THSD7A: variants seen among roughly 807,000 people sequenced by gnomAD.
THSD7A encodes the protein thrombospondin type-1 domain-containing protein 7A.
Under a neutral mutation model 231.3 loss-of-function variants are expected in THSD7A, and 96 were observed. The observed-to-expected ratio is 0.41, with a 90% CI of 0.35 to 0.49. The LOEUF (loss-of-function observed/expected upper bound fraction) is 0.49, where lower values mean the gene tolerates loss of function less well. Ranked by LOEUF, THSD7A falls within the 20% of genes least tolerant of loss-of-function variation. The pLI is 0.05. For synonymous variants in THSD7A, 940 were observed against 743.3 expected (o/e 1.26, Z -4.30); for missense variants, 2,290 against 2,070.2 (o/e 1.11, Z -2.06).
At chr7:11,603,082 G>A (rs950879855) in intron 2 of THSD7A, among the ~76,000 whole-genome samples, 4 of 150,660 alleles carry the variant, frequency 2.7e-5, no homozygotes, top group Non-Finnish European at 5.9e-5. Flanking sequence ...CCATCAGAGT[G>A]AACAGGCAAC....
At chr7:11,749,514 GT>G (rs1425207278) in intron 1 of THSD7A, among the ~76,000 whole-genome samples, 1 of 151,976 alleles carries the variant, frequency 6.6e-6, no homozygotes, top group Non-Finnish European at 1.5e-5. Context: ...AAATGTGTAT[GT>G]TTGACTCAGA....
In THSD7A at chr7:11,636,924, G is replaced by C; in HGVS notation, c.228C>G (p.Pro76=). The C allele has an allele frequency of 6.2e-7, 1 of 1,612,290 alleles. No homozygotes were observed. The highest frequency in any genetic ancestry group is 8.5e-7 in the Non-Finnish European group (1 of 1,179,660). ...WGRCMGDECG[P]GGIQTRAVWC... is the part of the protein sequence containing the mutation. ...ACACAGCCCTCGTTTGGATGCCTCC[G>C]GGACCACATTCATCTCCCATACATC... The change falls in exon 2 of 28, where the codon CCC becomes CCG. Residue 76 remains proline, a synonymous_variant. Coordinates refer to ENST00000423059, the MANE Select transcript of THSD7A (RefSeq NM_015204.3). The surrounding 1 kb of genome is among the most constrained non-coding windows in gnomAD (Gnocchi z 10.0).
chr7:11,605,041 C>T (rs1333556907), intron 2 of THSD7A, among the ~76,000 whole-genome samples: 1 of 151,940 alleles, frequency 6.6e-6, no homozygotes, highest in East Asian at 1.9e-4. Flanking sequence ...TCATTTCTTT[C>T]ATTTTGAAAA....
chr7:11,559,843 G>C (rs2128329155), intron 4 of THSD7A, among the ~76,000 whole-genome samples: 1 of 152,284 alleles, frequency 6.6e-6, no homozygotes, highest in Non-Finnish European at 1.5e-5. Flanking sequence ...GACACTGCTG[G>C]TGGGAATTTA....
At position 11,590,400 on chromosome 7, in the gene THSD7A, A is replaced by G; in HGVS notation, c.1453+60T>C. On this transcript the variant is annotated intron_variant, in intron 4 of 27. Transcript: ENST00000423059. This position sits in a 1 kb window ranked among gnomAD's most constrained non-coding sequence, Gnocchi z 4.4. ...GATGGCTGTGTATATATCCCTTCAG[A>G]GCAATCACATGCTCAGTCAGTCTTC... 1 of 1,547,200 alleles carries G rather than the reference A, an allele frequency of 6.5e-7. No individual in the cohort carries two copies. The highest frequency in any genetic ancestry group is 8.7e-7 in the Non-Finnish European group (1 of 1,143,388).
At chr7:11,640,880 G>C (rs374691947) in intron 1 of THSD7A, among the ~76,000 whole-genome samples, 1 of 151,908 alleles carries the variant, frequency 6.6e-6, no homozygotes. Flanking sequence ...AAATAAAAAT[G>C]CACTCCCTAA....
chr7:11,679,266 G>C (rs181545111), intron 1 of THSD7A, among the ~76,000 whole-genome samples: 1 of 152,252 alleles, frequency 6.6e-6, no homozygotes, highest in African/African-American at 2.4e-5. Context: ...AAAGCTAGAA[G>C]CATTCCCTTT....
In THSD7A at chr7:11,593,421, C is replaced by G. The variant is rs1312058081; in HGVS notation, c.1104G>C (p.Glu368Asp). The part of the protein sequence containing the change: ...TKECQVSEWS[E>D]WSPCSKTCHD... ...GGCATGTTTTTGAGCAGGGGCTCCA[C>G]TCTGACCACTCGGAAACCTGGCACT... is the stretch of plus-strand genomic sequence containing the variant. The change falls in exon 3 of 28, where the codon GAG becomes GAC. Residue 368 changes from glutamate (E) to aspartate (D), a missense_variant. By Grantham distance (45) the Glu-to-Asp change is conservative. Transcript: ENST00000423059. 2 of 1,613,912 alleles carry G rather than the reference C, an allele frequency of 1.2e-6. No homozygotes were observed. Among genetic ancestry groups the G allele is most frequent in the African/African-American group, 2.7e-5 (2 of 74,936 alleles).
Position 11,372,164 on chromosome 7 carries a change from T to C in THSD7A, c.*3630A>G, listed in dbSNP as rs1394182337. ...AGGGTGGGGCAGGGAAAAATCAAAC[T>C]CCTAATACTGTGGCCTAAAGACATG... On this transcript the variant is annotated 3_prime_UTR_variant, in exon 28 of 28. Transcript: ENST00000423059. 6.6e-6 allele frequency: 1 copy of C among 151,888 alleles called. No individual in the cohort carries two copies. The highest frequency in any genetic ancestry group is 1.5e-5 in the Non-Finnish European group (1 of 68,000). 9.4% of individuals were successfully genotyped at this position (151,888 alleles called of 1,614,324 possible).
At chr7:11,592,001 TTG>T (rs1357665411) in intron 3 of THSD7A, among the ~76,000 whole-genome samples, 1 of 152,224 alleles carries the variant, frequency 6.6e-6, no homozygotes, top group African/African-American at 2.4e-5. Context: ...ATTTTGTTAA[TTG>T]TGTTTGAATA....
At chr7:11,494,042 T>A (rs1787002556) in intron 6 of THSD7A, among the ~76,000 whole-genome samples, 1 of 151,982 alleles carries the variant, frequency 6.6e-6, no homozygotes, top group Non-Finnish European at 1.5e-5. Context: ...CAGATAAACG[T>A]TAGTGGGAAT....
intron 23 of THSD7A, among the ~76,000 whole-genome samples, chr7:11,396,869 G>A (rs1251642658): frequency 6.6e-6 from 1 of 152,178 alleles, no homozygotes; most frequent in African/African-American, 2.4e-5. Context: ...GAACATTGAT[G>A]TGAAAATCCA....
At chr7:11,412,346 C>G (rs961691555) in intron 18 of THSD7A, among the ~76,000 whole-genome samples, 33 of 152,074 alleles carry the variant, frequency 2.2e-4, no homozygotes, top group African/African-American at 8.0e-4. Context: ...AATCTGATAC[C>G]TGTGCCAAAA....
intron 2 of THSD7A, among the ~76,000 whole-genome samples, chr7:11,606,264 C>T (rs73290870): frequency 0.017 from 2,601 of 152,190 alleles, 71 homozygotes; most frequent in African/African-American, 0.059. Context: ...GTGGCATGAG[C>T]TACATAATAG....
At chr7:11,753,134 CTATT>C (rs1345187632) in intron 1 of THSD7A, among the ~76,000 whole-genome samples, 1 of 151,972 alleles carries the variant, frequency 6.6e-6, no homozygotes, top group Non-Finnish European at 1.5e-5. Context: ...TTCAAAATAT[CTATT>C]TATATATCAC....
At chr7:11,470,404 T>G (rs1231073382) in intron 8 of THSD7A, among the ~76,000 whole-genome samples, 2 of 152,022 alleles carry the variant, frequency 1.3e-5, no homozygotes, top group Non-Finnish European at 2.9e-5. Flanking sequence ...TTGCCTATTA[T>G]AAGTTTCCAG....
At chr7:11,400,241 C>T (rs996853121) in intron 23 of THSD7A, among the ~76,000 whole-genome samples, 1 of 151,842 alleles carries the variant, frequency 6.6e-6, no homozygotes, top group Non-Finnish European at 1.5e-5. Context: ...AGCACACCAA[C>T]ATGGCACATG....
chr7:11,702,626 C>T (rs1226261856), intron 1 of THSD7A, among the ~76,000 whole-genome samples: 3 of 151,232 alleles, frequency 2.0e-5, no homozygotes, highest in Non-Finnish European at 4.4e-5. Context: ...CAAAAGTCCG[C>T]TCACAGCAGC....
rs961875728 is a variant in THSD7A at position 11,590,037 on chromosome 7, T to C, written c.1453+423A>G. On this transcript the variant is annotated intron_variant, in intron 4 of 27. Transcript: ENST00000423059. This position sits in a 1 kb window ranked among gnomAD's most constrained non-coding sequence, Gnocchi z 4.4. ...TTGACAATTTTATTCAATATCATAATTAACTTATTTTTAACCACATTTTAT... is the reference window on the plus strand; with the variant it reads ...TTGACAATTTTATTCAATATCATAACTAACTTATTTTTAACCACATTTTAT... Among the ~76,000 whole-genome samples the C allele has an allele frequency of 3.9e-5, 6 of 152,234 alleles. No individual in the cohort carries two copies. Among genetic ancestry groups the C allele is most frequent in the African/African-American group, 1.4e-4 (6 of 41,470 alleles).
Sources: gnomAD v4.1 joint callset for allele counts (sites outside exome capture counted in the v4.1 genomes callset) on GRCh38, gnomAD v4.1.1 for gene constraint, Gnocchi (gnomAD v3.1) non-coding constraint, MANE v1.5 for transcripts, NCBI Gene and HGNC (gene_info 2026-07-23, HGNC 2026-07-21) for gene names.